Variants in SAMD4A observed in about 807,000 individuals in gnomAD.
SAMD4A encodes the protein protein Smaug homolog 1.
Under a neutral mutation model 81.3 loss-of-function variants are expected in SAMD4A, and 33 were observed. That is an observed-to-expected ratio of 0.41 (90% CI 0.31 to 0.54). The LOEUF (loss-of-function observed/expected upper bound fraction) is 0.54. Among genes scored for constraint, SAMD4A ranks in the 20% least tolerant of loss-of-function variants. SAMD4A has a pLI of 0.37. For synonymous variants in SAMD4A, 389 were observed against 382.1 expected, an observed-to-expected ratio of 1.02 and a Z score of -0.21; for missense variants, 854 against 951.1, an observed-to-expected ratio of 0.90 and a Z score of 1.34.
intron 2 of SAMD4A, among the ~76,000 whole-genome samples, chr14:54,603,709 G>T (rs1185949826): frequency 6.7e-6 from 1 of 150,162 alleles, no homozygotes; most frequent in African/African-American, 2.5e-5. Flanking sequence ...GACACTTATA[G>T]TTCTTTTACA....
chr14:54,678,837 C>T (rs926994955), intron 2 of SAMD4A, among the ~76,000 whole-genome samples: 38 of 152,140 alleles, frequency 2.5e-4, no homozygotes, highest in African/African-American at 8.2e-4. Flanking sequence ...CGTGAGCCAC[C>T]GCGCCCGGCC....
At chr14:54,716,105 A>G (rs1404207352) in intron 3 of SAMD4A, among the ~76,000 whole-genome samples, 4 of 152,220 alleles carry the variant, frequency 2.6e-5, no homozygotes, top group African/African-American at 7.2e-5. Context: ...GTTTTAAGAG[A>G]TCTGATAAAT....
chr14:54,662,719 G>A (rs1009411247), intron 2 of SAMD4A, among the ~76,000 whole-genome samples: 1 of 152,044 alleles, frequency 6.6e-6, no homozygotes, highest in South Asian at 2.1e-4. Context: ...CAGCCTGAGT[G>A]GGACACTTAT....
At chr14:54,692,921 T>C (rs924388172) in intron 2 of SAMD4A, 1 of 139,104 alleles carries the variant, frequency 7.2e-6, no homozygotes, top group African/African-American at 2.6e-5. Flanking sequence ...CTTAACCCTG[T>C]TGACATTGTT....
In SAMD4A at chr14:54,630,932, G is replaced by A. The variant is rs905549281; in HGVS notation, c.196+62820G>A. Among the ~76,000 whole-genome samples, 21 of 151,440 alleles carry A rather than the reference G, an allele frequency of 1.4e-4. No individual in the cohort carries two copies. In the South Asian group the frequency reaches 4.0e-3, roughly 29 times the overall value. ...TATGTGTGTGTGTGTGTGTGTGTGTGTGTGTGTGTGTGTGTGTGTGTGTGA... is the reference window on the plus strand; with the variant it reads ...TATGTGTGTGTGTGTGTGTGTGTGTATGTGTGTGTGTGTGTGTGTGTGTGA... On this transcript the variant is annotated intron_variant, in intron 2 of 12. Transcript: ENST00000554335.
At chr14:54,674,745 G>T (rs1350180589) in intron 2 of SAMD4A, among the ~76,000 whole-genome samples, 2 of 152,142 alleles carry the variant, frequency 1.3e-5, no homozygotes, top group African/African-American at 4.8e-5. Flanking sequence ...GTGGGCTAGG[G>T]AAAGATTTTA....
At chr14:54,586,287 T>C (rs954062054) in intron 2 of SAMD4A, among the ~76,000 whole-genome samples, 1 of 152,204 alleles carries the variant, frequency 6.6e-6, no homozygotes, top group Non-Finnish European at 1.5e-5. Flanking sequence ...TGTTTTCTTC[T>C]TGCTGAGTTG....
chr14:54,754,821 G>A lies in SAMD4A; in HGVS notation c.1176+3284G>A, dbSNP rs2038197131. 3 of 987,782 alleles carry A rather than the reference G, an allele frequency of 3.0e-6. No homozygotes were observed. The African/African-American group carries it at 5.2e-5, about 17-fold the overall frequency. The allele number at this position is 987,782 out of a possible 1,614,324, so 61.2% of individuals were successfully genotyped here. A position where few individuals can be genotyped will look rare whatever the true frequency, so the allele number is the denominator to read the frequency against. On this transcript the variant is annotated intron_variant, in intron 6 of 12. Coordinates refer to ENST00000554335, the MANE Select transcript of SAMD4A (RefSeq NM_015589.6). Reference sequence around the variant, plus strand: ...TGGCTGTCTGAGTTCTGTGTGCAGAGCTCTTTTGTTCAGTTACTGAACCCT... The same window carrying A: ...TGGCTGTCTGAGTTCTGTGTGCAGAACTCTTTTGTTCAGTTACTGAACCCT...
chr14:54,598,799 C>G (rs538265837), intron 2 of SAMD4A, among the ~76,000 whole-genome samples: 1 of 151,946 alleles, frequency 6.6e-6, no homozygotes, highest in East Asian at 1.9e-4. Flanking sequence ...CATTTCTGTT[C>G]CCTCTCCCCT....
At chr14:54,626,016 G>GT (rs1566554101) in intron 2 of SAMD4A, among the ~76,000 whole-genome samples, 6 of 36,696 alleles carry the variant, frequency 1.6e-4, no homozygotes, top group Non-Finnish European at 2.4e-4. Context: ...CTACTGCTAG[G>GT]TGTGTGTGTG....
chr14:54,634,293 TG>T (rs1213307631), intron 2 of SAMD4A, among the ~76,000 whole-genome samples: 62 of 17,238 alleles, frequency 3.6e-3, no homozygotes, highest in African/African-American at 0.014. Flanking sequence ...CTCGGGGGGG[TG>T]GGGGGAGGGG....
At chr14:54,680,245 G>A (rs2036097475) in intron 2 of SAMD4A, among the ~76,000 whole-genome samples, 1 of 152,198 alleles carries the variant, frequency 6.6e-6, no homozygotes, top group African/African-American at 2.4e-5. Flanking sequence ...TAATACAATT[G>A]CCAGATTTTC....
intron 3 of SAMD4A, among the ~76,000 whole-genome samples, chr14:54,715,666 T>C (rs536428507): frequency 5.3e-5 from 8 of 152,060 alleles, no homozygotes; most frequent in African/African-American, 1.7e-4. Context: ...CTATTAAAAA[T>C]ATATAAAATG....
intron 3 of SAMD4A, among the ~76,000 whole-genome samples, chr14:54,707,522 TG>T (rs2036890082): frequency 6.6e-6 from 1 of 152,200 alleles, no homozygotes; most frequent in South Asian, 2.1e-4. Flanking sequence ...AAGACAAAGC[TG>T]CCTTCCCTTG....
intron 4 of SAMD4A, among the ~76,000 whole-genome samples, chr14:54,741,753 G>A (rs1164112362): frequency 1.3e-5 from 2 of 152,204 alleles, no homozygotes; most frequent in African/African-American, 4.8e-5. Context: ...CTAGAGCTGA[G>A]TCTCAGAGCA....
chr14:54,704,762 C>T (rs2036810397), intron 3 of SAMD4A, among the ~76,000 whole-genome samples: 1 of 152,196 alleles, frequency 6.6e-6, no homozygotes, highest in Non-Finnish European at 1.5e-5. Flanking sequence ...AAGTTTCATT[C>T]AAACACTCAT....
intron 2 of SAMD4A, among the ~76,000 whole-genome samples, chr14:54,692,319 A>G (rs1200251837): frequency 6.6e-6 from 1 of 152,174 alleles, no homozygotes; most frequent in Non-Finnish European, 1.5e-5. Flanking sequence ...CGTTTGCTCC[A>G]CTGAATTAAG....
In SAMD4A at chr14:54,702,550, A is replaced by G; in HGVS notation, c.685A>G (p.Ile229Val). The G allele has an allele frequency of 6.2e-7, 1 of 1,614,106 alleles. No homozygotes were observed. Among genetic ancestry groups the G allele is most frequent in the Non-Finnish European group, 8.5e-7 (1 of 1,179,976 alleles). ...LYSSSSVPTTINTIGTSTSTI... is the reference protein window; with the variant it reads ...LYSSSSVPTTVNTIGTSTSTI... ...CTCCTCCTCATCTGTCCCCACCACAATCAATACGATTGGAACCAGCACAAG... is the reference window on the plus strand; with the variant it reads ...CTCCTCCTCATCTGTCCCCACCACAGTCAATACGATTGGAACCAGCACAAG... Residue 229 changes from isoleucine (I) to valine (V), a missense_variant, in exon 3 of 13, where the codon ATC becomes GTC. Coordinates refer to ENST00000554335, the MANE Select transcript of SAMD4A (RefSeq NM_015589.6).
chr14:54,584,440 G>A (rs905013999), intron 2 of SAMD4A, among the ~76,000 whole-genome samples: 1 of 152,102 alleles, frequency 6.6e-6, no homozygotes, highest in African/African-American at 2.4e-5. Context: ...TTTAGATTTA[G>A]GGACAACTGT....
Sources: gnomAD v4.1 joint callset for allele counts (sites outside exome capture counted in the v4.1 genomes callset) on GRCh38, gnomAD v4.1.1 for gene constraint, MANE v1.5 for transcripts, NCBI Gene and HGNC (gene_info 2026-07-23, HGNC 2026-07-21) for gene names.